Variants in GPR39 observed in about 807,000 individuals in gnomAD.
The protein encoded by GPR39 is zinc sensing receptor.
Under a neutral mutation model 18.4 loss-of-function variants are expected in GPR39, and 23 were observed. The ratio of observed to expected loss-of-function variants is 1.25; its 90% CI spans 0.90 to 1.77. The LOEUF is 1.77. GPR39 is among the 40% of genes most tolerant of loss of function. The probability of loss-of-function intolerance (pLI) is 0.00; values close to 1 mark genes in which losing one functional copy is unlikely to be tolerated. For synonymous variants in GPR39, 280 were observed against 257.9 expected, an observed-to-expected ratio of 1.09 and a Z score of -0.82; for missense variants, 647 against 602.4, an observed-to-expected ratio of 1.07 and a Z score of -0.78.
At chr2:132,468,528 G>C (rs1028714201) in intron 1 of GPR39, among the ~76,000 whole-genome samples, 9 of 152,236 alleles carry the variant, frequency 5.9e-5, no homozygotes, top group Non-Finnish European at 1.2e-4. Context: ...CTGAGGCTAG[G>C]GATGTGAATG....
At chr2:132,620,872 C>A (rs1353509494) in intron 1 of GPR39, among the ~76,000 whole-genome samples, 1 of 152,194 alleles carries the variant, frequency 6.6e-6, no homozygotes, top group Non-Finnish European at 1.5e-5. Context: ...CCTGCCTCAG[C>A]CTCCCAAGTA....
chr2:132,428,534 G>A (rs190762816), intron 1 of GPR39, among the ~76,000 whole-genome samples: 2 of 152,278 alleles, frequency 1.3e-5, no homozygotes, highest in East Asian at 3.9e-4. Flanking sequence ...TGTTAGTCTC[G>A]ATATTCACAG....
At chr2:132,555,563 G>A (rs1292721371) in intron 1 of GPR39, among the ~76,000 whole-genome samples, 1 of 152,108 alleles carries the variant, frequency 6.6e-6, no homozygotes, top group African/African-American at 2.4e-5. Flanking sequence ...TGGTGGCTGG[G>A]TCCCTCAAAG....
chr2:132,596,992 C>T (rs1680960739), intron 1 of GPR39, among the ~76,000 whole-genome samples: 1 of 152,194 alleles, frequency 6.6e-6, no homozygotes, highest in African/African-American at 2.4e-5. Context: ...TAGTGGAAAG[C>T]ATTTTCCTTG....
intron 1 of GPR39, among the ~76,000 whole-genome samples, chr2:132,566,400 G>C (rs1210915149): frequency 6.6e-6 from 1 of 151,752 alleles, no homozygotes; most frequent in Non-Finnish European, 1.5e-5. Context: ...AAGCTCTTTA[G>C]TTTAATTAGA....
intron 1 of GPR39, among the ~76,000 whole-genome samples, chr2:132,623,959 T>C (rs1573704461): frequency 6.6e-6 from 1 of 152,266 alleles, no homozygotes; most frequent in South Asian, 2.1e-4. Context: ...CAGCCCAAGA[T>C]CCTTCTGCCT....
intron 1 of GPR39, among the ~76,000 whole-genome samples, chr2:132,461,244 C>T (rs1460533456): frequency 1.3e-5 from 2 of 152,124 alleles, no homozygotes; most frequent in Non-Finnish European, 2.9e-5. Flanking sequence ...CAGTCTACAG[C>T]CCTCGACTCT....
intron 1 of GPR39, among the ~76,000 whole-genome samples, chr2:132,488,156 A>G (rs894642294): frequency 1.3e-5 from 2 of 152,212 alleles, no homozygotes; most frequent in Non-Finnish European, 2.9e-5. Flanking sequence ...CTTTCTGACA[A>G]TTATTTAAGA....
chr2:132,471,341 AC>A lies in GPR39; in HGVS notation c.856+53445del, dbSNP rs549414023. 2.0e-3 allele frequency among the ~76,000 whole-genome samples: 298 copies of A among 152,238 alleles called. 1 individual carries two copies. The highest frequency in any genetic ancestry group is 0.01 in the Middle Eastern group (3 of 294). ...AAAGCTCTAGTCCATGAGGATATAG[AC>A]CTGTTCTACTGGCATGAGTGCCTAA... On this transcript the variant is annotated intron_variant, in intron 1 of 1. Coordinates refer to ENST00000329321, the MANE Select transcript of GPR39 (RefSeq NM_001508.3).
intron 1 of GPR39, among the ~76,000 whole-genome samples, chr2:132,529,938 C>T (rs1423114254): frequency 6.6e-6 from 1 of 152,156 alleles, no homozygotes; most frequent in Non-Finnish European, 1.5e-5. Context: ...CTCTAAAAAT[C>T]AGAGCGCCTC....
At chr2:132,486,046 G>A (rs1681331080) in intron 1 of GPR39, among the ~76,000 whole-genome samples, 1 of 152,186 alleles carries the variant, frequency 6.6e-6, no homozygotes, top group Non-Finnish European at 1.5e-5. Flanking sequence ...TGAATGTTGT[G>A]TTAATAGGTA....
intron 1 of GPR39, among the ~76,000 whole-genome samples, chr2:132,423,606 T>C (rs13394878): frequency 0.22 from 33,130 of 152,014 alleles, 3,798 homozygotes; most frequent in African/African-American, 0.27. Context: ...TCTTACTCTA[T>C]TCTCTACCTG....
chr2:132,576,367 G>C (rs1176152449), intron 1 of GPR39, among the ~76,000 whole-genome samples: 1 of 152,138 alleles, frequency 6.6e-6, no homozygotes. Flanking sequence ...TCAAGGCTAA[G>C]CCTAGCCAGG....
At chr2:132,511,198 C>T (rs1158274214) in intron 1 of GPR39, among the ~76,000 whole-genome samples, 1 of 152,148 alleles carries the variant, frequency 6.6e-6, no homozygotes, top group Non-Finnish European at 1.5e-5. Flanking sequence ...AAACTTCAAT[C>T]TGCATTTTCA....
chr2:132,458,184 G>A (rs1040732888), intron 1 of GPR39, among the ~76,000 whole-genome samples: 4 of 152,152 alleles, frequency 2.6e-5, no homozygotes, highest in Non-Finnish European at 5.9e-5. Context: ...ACCTCAGTTG[G>A]AAGTGCAGAA....
chr2:132,479,715 G>A (rs1490816802), intron 1 of GPR39, among the ~76,000 whole-genome samples: 1 of 152,192 alleles, frequency 6.6e-6, no homozygotes, highest in East Asian at 1.9e-4. Context: ...GTGTTGGAGA[G>A]CATATGGAGA....
chr2:132,487,135 A>G (rs1681357675), intron 1 of GPR39, among the ~76,000 whole-genome samples: 1 of 152,206 alleles, frequency 6.6e-6, no homozygotes, highest in African/African-American at 2.4e-5. Flanking sequence ...CAGAACACAC[A>G]CAACATTCAT....
At chr2:132,545,558 T>C (rs1679931842) in intron 1 of GPR39, among the ~76,000 whole-genome samples, 1 of 152,236 alleles carries the variant, frequency 6.6e-6, no homozygotes, top group Non-Finnish European at 1.5e-5. Flanking sequence ...AGAGTGGCTA[T>C]ATCTGTCCCT....
chr2:132,476,129 A>G (rs1479357412), intron 1 of GPR39, among the ~76,000 whole-genome samples: 1 of 151,896 alleles, frequency 6.6e-6, no homozygotes, highest in Non-Finnish European at 1.5e-5. Flanking sequence ...TTACCTTTCC[A>G]CATTCATGGA....
Sources: gnomAD v4.1 joint callset for allele counts (sites outside exome capture counted in the v4.1 genomes callset) on GRCh38, gnomAD v4.1.1 for gene constraint, MANE v1.5 for transcripts, NCBI Gene and HGNC (gene_info 2026-07-23, HGNC 2026-07-21) for gene names.